The following CROCC2 variants were observed in gnomAD, a reference collection of about 807,000 sequenced individuals.
The protein encoded by CROCC2 is ciliary rootlet coiled-coil, rootletin family member 2.
A neutral mutation model predicts 177.6 loss-of-function variants in CROCC2; 163 were observed. That is an observed-to-expected ratio of 0.92 (90% CI 0.81 to 1.05). The LOEUF is 1.05. Among genes scored for constraint, CROCC2 ranks in the 50% least tolerant of loss-of-function variants. The probability of loss-of-function intolerance (pLI) is 0.00; values close to 1 mark genes in which losing one functional copy is unlikely to be tolerated. For missense variants in CROCC2, 1,929 were observed against 1,797.8 expected, an observed-to-expected ratio of 1.07 and a Z score of -1.32; for synonymous variants, 904 against 787.3, an observed-to-expected ratio of 1.15 and a Z score of -2.48.
rs188586423 is a variant in CROCC2, at chr2:240,911,755, G to A, written c.78+5164G>A. Among the ~76,000 whole-genome samples the A allele has an allele frequency of 2.7e-3, 406 of 151,856 alleles. 2 individuals are homozygous for A. The highest frequency in any genetic ancestry group is 9.2e-3 in the African/African-American group (381 of 41,330). ...TGGATCAGATGGTATTTGTCCCTTC[G>A]TGGCGGGCTTATTTCACTGAGCATG... On this transcript the variant is annotated intron_variant, in intron 1 of 31. Transcript: ENST00000690015.
Position 240,991,295 on chromosome 2 carries a change from AC to A in CROCC2, c.4946+19del. ...GACAGGACAGTGAGCCCTGCTGCAT[AC>A]CACCCAGCAGCCTAGCTGCCTTCAG... On this transcript the variant is annotated intron_variant, in intron 31 of 31. Coordinates refer to ENST00000690015, the MANE Select transcript of CROCC2 (RefSeq NM_001351305.2). The A allele has an allele frequency of 6.5e-7, 1 of 1,541,852 alleles. No homozygotes were observed. The highest frequency in any genetic ancestry group is 8.8e-7 in the Non-Finnish European group (1 of 1,141,514).
Position 240,965,724 on chromosome 2 carries a change from G to C in CROCC2, c.3692G>C (p.Arg1231Pro). The change falls in exon 24 of 32, where the codon CGG becomes CCG. Residue 1231 changes from arginine to proline, a missense_variant. Physicochemically the swap from Arg to Pro is moderately radical, Grantham distance 103. Around this residue, in one of 3 missense-constraint regions of CROCC2, gnomAD observed 144 missense variants for 205.2 expected, o/e 0.70. Coordinates refer to ENST00000690015, the MANE Select transcript of CROCC2 (RefSeq NM_001351305.2). The part of the protein sequence containing the change: ...QRLQEHLRES[R>P]GAEQTLRAEL... ...CTCCAGGAGCACCTCCGTGAGAGCC[G>C]GGGGGCTGAGCAGACCCTCCGAGCA... 6.5e-7 allele frequency: 1 copy of C among 1,545,018 alleles called. No individual in the cohort carries two copies. The highest frequency in any genetic ancestry group is 1.2e-5 in the South Asian group (1 of 82,744).
intron 3 of CROCC2, among the ~76,000 whole-genome samples, chr2:240,921,242 G>A (rs2059355467): frequency 6.6e-6 from 1 of 152,142 alleles, no homozygotes; most frequent in African/African-American, 2.4e-5. Context: ...TCTCTGAGGG[G>A]CCCGTTCTCT....
intron 4 of CROCC2, 71 bp from the exon 5 acceptor site, chr2:240,925,653 T>A (rs2059391037): frequency 3.1e-6 from 2 of 637,458 alleles, no homozygotes. Context: ...GCCCCTTGAC[T>A]TGGGGACTCT....
intron 4 of CROCC2, among the ~76,000 whole-genome samples, chr2:240,925,206 T>C (rs1158826104): frequency 6.6e-6 from 1 of 152,210 alleles, no homozygotes; most frequent in African/African-American, 2.4e-5. Context: ...AAGAGGAGGC[T>C]TAGGCCTGGC....
chr2:240,949,841 C>T lies in CROCC2; in HGVS notation c.2652+139C>T. On this transcript the variant is annotated intron_variant, in intron 17 of 31. Transcript: ENST00000690015. This position sits in a 1 kb window ranked among gnomAD's most constrained non-coding sequence, Gnocchi z 4.5. Reference sequence around the variant, plus strand: ...CTGGCCAGGGCTGGGCAAGGACCAGCTCACTCTTTATAGTTCACGTGGGCA... The same window carrying T: ...CTGGCCAGGGCTGGGCAAGGACCAGTTCACTCTTTATAGTTCACGTGGGCA... 1.1e-6 allele frequency: 1 copy of T among 890,408 alleles called. No homozygotes were observed. The allele number at this position is 890,408 out of a possible 1,614,324, so 55.2% of individuals were successfully genotyped here.
In CROCC2 at chr2:240,973,088, G is replaced by A. The variant is rs187328279; in HGVS notation, c.4401+4826G>A. On this transcript the variant is annotated intron_variant, in intron 27 of 31. Transcript: ENST00000690015. The surrounding 1 kb of genome is among the most constrained non-coding windows in gnomAD (Gnocchi z 4.7). ...CCCGGCACAGTCTAGAGCCAGCTCT[G>A]CCTTTGACACAACTTCTTTTGCTTT... Among the ~76,000 whole-genome samples the A allele has an allele frequency of 1.3e-5, 2 of 152,324 alleles. No homozygotes were observed. The highest frequency in any genetic ancestry group is 3.9e-4 in the East Asian group (2 of 5,178).
chr2:240,983,632 C>T (rs1309801162), intron 28 of CROCC2: 2 of 1,283,548 alleles, frequency 1.6e-6, no homozygotes, highest in Admixed American at 4.6e-5. Flanking sequence ...GGCTGGGGTC[C>T]GCAGGGGCGC....
chr2:240,961,953 G>T (rs1430200459), intron 20 of CROCC2, among the ~76,000 whole-genome samples: 1 of 147,008 alleles, frequency 6.8e-6, no homozygotes, highest in African/African-American at 2.5e-5. Flanking sequence ...GCACACACAC[G>T]TATGCACACC....
At chr2:240,988,912 G>A (rs538121722) in intron 29 of CROCC2, 42 bp downstream of exon 29, 21 of 1,366,430 alleles carry the variant, frequency 1.5e-5, no homozygotes, top group Non-Finnish European at 1.9e-5. Context: ...CAGGCCTGGG[G>A]GCAGACCTGG....
chr2:240,918,395 G>A lies in CROCC2; in HGVS notation c.79-331G>A, dbSNP rs1374896165. 6.6e-6 allele frequency among the ~76,000 whole-genome samples: 1 copy of A among 152,210 alleles called. No individual in the cohort carries two copies. The highest frequency in any genetic ancestry group is 1.5e-5 in the Non-Finnish European group (1 of 68,030). ...CAGAGGCAAAGGAACCTGCCTGTCAGCATCCCCTAGGGAACTGGCAACCGC... is the reference window on the plus strand; with the variant it reads ...CAGAGGCAAAGGAACCTGCCTGTCAACATCCCCTAGGGAACTGGCAACCGC... On this transcript the variant is annotated intron_variant, in intron 1 of 31. Transcript: ENST00000690015. This position sits in a 1 kb window ranked among gnomAD's most constrained non-coding sequence, Gnocchi z 6.3.
In CROCC2 at chr2:240,966,206, C is replaced by A; in HGVS notation, c.3962-19C>A. ...CACTGTGTTCCTGTCCACGACCCCT[C>A]CGCTGTCACCTCCCGCAGGCTCCGA... On this transcript the variant is annotated intron_variant, in intron 24 of 31. Transcript: ENST00000690015. 2 of 1,035,630 alleles carry A rather than the reference C, an allele frequency of 1.9e-6. No individual in the cohort carries two copies. Among genetic ancestry groups the A allele is most frequent in the Non-Finnish European group, 1.2e-6 (1 of 806,172 alleles). 64.2% of individuals were successfully genotyped at this position (1,035,630 alleles called of 1,614,324 possible).
At position 240,913,771 on chromosome 2, in the gene CROCC2, G is replaced by C. The variant is rs1338256871; in HGVS notation, c.79-4955G>C. Among the ~76,000 whole-genome samples, 3 of 152,244 alleles carry C rather than the reference G, an allele frequency of 2.0e-5. No homozygotes were observed. In the East Asian group the frequency reaches 5.8e-4, roughly 29 times the overall value. The stretch of plus-strand genomic sequence containing the variant: ...ATTGCTGAAATACAGCATTTTGGAG[G>C]CCAGGTGTTATCCCAGGCACAGAGA... On this transcript the variant is annotated intron_variant, in intron 1 of 31. Transcript: ENST00000690015.
chr2:240,989,622 A>G (rs1320203086), intron 29 of CROCC2, 32 bp from the exon 30 acceptor site: 3 of 1,522,314 alleles, frequency 2.0e-6, no homozygotes, highest in South Asian at 2.4e-5. Context: ...TCAGTGAGAG[A>G]CAGCAGTGAG....
chr2:240,929,919 C>T (rs1043424065), intron 5 of CROCC2, among the ~76,000 whole-genome samples: 24 of 152,220 alleles, frequency 1.6e-4, no homozygotes, highest in African/African-American at 5.5e-4. Context: ...CCTCCATGCA[C>T]GCAGGCTGGC....
At chr2:240,968,296 G>A in intron 27 of CROCC2, 34 bp downstream of exon 27, 2 of 1,509,036 alleles carry the variant, frequency 1.3e-6, no homozygotes, top group Non-Finnish European at 8.8e-7. Flanking sequence ...CCCAGGTGGG[G>A]CACAAGAACA....
rs765517539 is a variant in CROCC2, at chr2:240,918,699, C to T, written c.79-27C>T. On this transcript the variant is annotated intron_variant, in intron 1 of 31. Coordinates refer to ENST00000690015, the MANE Select transcript of CROCC2 (RefSeq NM_001351305.2). The surrounding 1 kb of genome is among the most constrained non-coding windows in gnomAD (Gnocchi z 6.3). ...TGGCAGCTGTTGGGGGCTGCCATCTCCAGGTATCTCTGGGGGTGTCTTTCA... is the reference window on the plus strand; with the variant it reads ...TGGCAGCTGTTGGGGGCTGCCATCTTCAGGTATCTCTGGGGGTGTCTTTCA... 1 of 544,646 alleles carries T rather than the reference C, an allele frequency of 1.8e-6. No individual in the cohort carries two copies. The highest frequency in any genetic ancestry group is 2.6e-5 in the South Asian group (1 of 38,060). 33.7% of individuals were successfully genotyped at this position (544,646 alleles called of 1,614,324 possible).
intron 25 of CROCC2, among the ~76,000 whole-genome samples, chr2:240,966,794 C>G (rs1318178984): frequency 6.6e-6 from 1 of 152,184 alleles, no homozygotes; most frequent in Non-Finnish European, 1.5e-5. Flanking sequence ...TCCCCAGTGG[C>G]TGCTCCTGGC....
In CROCC2 at chr2:240,920,384, G is replaced by A. The variant is rs555312011; in HGVS notation, c.381+250G>A. On this transcript the variant is annotated intron_variant, in intron 3 of 31. Coordinates refer to ENST00000690015, the MANE Select transcript of CROCC2 (RefSeq NM_001351305.2). ...TGCCCAGGCCTTTCTGATGCCCAGCGTGTCCCCTAGGTCTCGCAACCTAGC... is the reference window on the plus strand; with the variant it reads ...TGCCCAGGCCTTTCTGATGCCCAGCATGTCCCCTAGGTCTCGCAACCTAGC... Among the ~76,000 whole-genome samples, 28 of 152,332 alleles carry A rather than the reference G, an allele frequency of 1.8e-4. 2 individuals carry two copies. The South Asian group carries it at 5.6e-3, about 30-fold the overall frequency.
Sources: allele counts gnomAD v4.1 joint callset (sites outside exome capture counted in the v4.1 genomes callset), GRCh38; gene constraint gnomAD v4.1.1; regional missense constraint gnomAD v4.1.1; non-coding constraint Gnocchi (gnomAD v3.1); transcripts MANE v1.5; gene names NCBI Gene and HGNC (gene_info 2026-07-23, HGNC 2026-07-21).